TUBAL3: variants seen among roughly 807,000 people sequenced by gnomAD.
TUBAL3 encodes the protein tubulin alpha chain-like 3.
In TUBAL3, 16 loss-of-function variants were observed where a neutral mutation model predicts 15.5. The ratio of observed to expected loss-of-function variants is 1.04; its 90% CI spans 0.70 to 1.57. The LOEUF (loss-of-function observed/expected upper bound fraction) is 1.57, where lower values mean the gene tolerates loss of function less well. TUBAL3 is among the 40% of genes most tolerant of loss of function. TUBAL3 has a pLI of 0.00. For synonymous variants in TUBAL3, 238 were observed against 224.3 expected (o/e 1.06, Z -0.55); for missense variants, 609 against 576.2 (o/e 1.06, Z -0.58).
chr10:5,404,804 C>G lies in TUBAL3; in HGVS notation c.-12G>C. ...TAGTCACTTACCATGCTGATGAGAA[C>G]GTGCCCTTCCTGCCCTGTAGTAATG... On this transcript the variant is annotated 5_prime_UTR_variant, in exon 1 of 4. Coordinates refer to ENST00000380419, the MANE Select transcript of TUBAL3 (RefSeq NM_024803.3). 1 of 1,613,462 alleles carries G rather than the reference C, an allele frequency of 6.2e-7. No individual in the cohort carries two copies. Among genetic ancestry groups the G allele is most frequent in the Non-Finnish European group, 8.5e-7 (1 of 1,179,622 alleles).
In TUBAL3 at chr10:5,404,783, C is replaced by T; in HGVS notation, c.3+7G>A. On this transcript the variant is annotated splice_region_variant and intron_variant, in intron 1 of 3. Coordinates refer to ENST00000380419, the MANE Select transcript of TUBAL3 (RefSeq NM_024803.3). ...CTACAACAATGCATAGGCGTGTAGT[C>T]ACTTACCATGCTGATGAGAACGTGC... 1 of 1,613,588 alleles carries T rather than the reference C, an allele frequency of 6.2e-7. No homozygotes were observed. The highest frequency in any genetic ancestry group is 8.5e-7 in the Non-Finnish European group (1 of 1,179,748).
In TUBAL3 at chr10:5,396,746, C is replaced by T. The variant is rs1831771543; in HGVS notation, c.248-1271G>A. On this transcript the variant is annotated intron_variant, in intron 2 of 3. Coordinates refer to ENST00000380419, the MANE Select transcript of TUBAL3 (RefSeq NM_024803.3). The surrounding 1 kb of genome is among the most constrained non-coding windows in gnomAD (Gnocchi z 5.1). ...GCCTTTTAAAAACCTGGGCAGCATG[C>T]CCTACTCCTCCACCTTAGAATTACT... is the stretch of plus-strand genomic sequence containing the variant. Among the ~76,000 whole-genome samples the T allele has an allele frequency of 6.6e-6, 1 of 152,144 alleles. No individual in the cohort carries two copies. The highest frequency in any genetic ancestry group is 6.5e-5 in the Admixed American group (1 of 15,280).
In TUBAL3 at chr10:5,394,517, A is replaced by G. The variant is rs1761231473; in HGVS notation, c.397-56T>C. The G allele has an allele frequency of 8.1e-6, 12 of 1,490,646 alleles. No individual in the cohort carries two copies. The highest frequency in any genetic ancestry group is 9.9e-6 in the Non-Finnish European group (11 of 1,107,288). The allele number at this position is 1,490,646 out of a possible 1,614,324, so 92.3% of individuals were successfully genotyped here. A position where few individuals can be genotyped will look rare whatever the true frequency, so the allele number is the denominator to read the frequency against. ...AGCTGAATAAATCCAGAAGCAGTGA[A>G]TTGGACAGTAGTGGCAGGATACAAC... On this transcript the variant is annotated intron_variant, in intron 3 of 3. Coordinates refer to ENST00000380419, the MANE Select transcript of TUBAL3 (RefSeq NM_024803.3). This position sits in a 1 kb window ranked among gnomAD's most constrained non-coding sequence, Gnocchi z 4.3.
At chr10:5,399,166 T>C (rs1435736514) in intron 2 of TUBAL3, among the ~76,000 whole-genome samples, 2 of 152,184 alleles carry the variant, frequency 1.3e-5, no homozygotes, top group East Asian at 1.9e-4. Context: ...TTGAGGATGA[T>C]AATAATGTCT....
intron 2 of TUBAL3, among the ~76,000 whole-genome samples, chr10:5,399,391 G>A (rs1482811721): frequency 2.0e-5 from 3 of 152,168 alleles, no homozygotes; most frequent in Non-Finnish European, 2.9e-5. Flanking sequence ...TATAAGAAGA[G>A]ACACAGACTA....
At position 5,396,620 on chromosome 10, in the gene TUBAL3, G is replaced by T. The variant is rs1416736776; in HGVS notation, c.248-1145C>A. Among the ~76,000 whole-genome samples, 1 of 152,172 alleles carries T rather than the reference G, an allele frequency of 6.6e-6. No homozygotes were observed. The highest frequency in any genetic ancestry group is 1.5e-5 in the Non-Finnish European group (1 of 68,036). ...GCACGGCAAACTCAAATGCCCACAC[G>T]ACCCAAATGCTGAGTGCATAAATGC... On this transcript the variant is annotated intron_variant, in intron 2 of 3. Transcript: ENST00000380419. This position sits in a 1 kb window ranked among gnomAD's most constrained non-coding sequence, Gnocchi z 5.1.
chr10:5,403,247 A>T (rs1218797803), intron 1 of TUBAL3, among the ~76,000 whole-genome samples: 3 of 152,242 alleles, frequency 2.0e-5, no homozygotes, highest in African/African-American at 7.2e-5. Context: ...CAGGCTTCAG[A>T]TAACCTTAAT....
rs1282102501 is a variant in TUBAL3, at chr10:5,393,492, T to G, written c.*25A>C. On this transcript the variant is annotated 3_prime_UTR_variant, in exon 4 of 4. Coordinates refer to ENST00000380419, the MANE Select transcript of TUBAL3 (RefSeq NM_024803.3). ...GAAAACATGCCATTTTAACTTGACA[T>G]TCATTTGCACCCATCATACATGCCT... is the stretch of plus-strand genomic sequence containing the variant. The G allele has an allele frequency of 3.9e-6, 6 of 1,544,530 alleles. No homozygotes were observed. The African/African-American group carries it at 5.5e-5, about 14-fold the overall frequency.
At position 5,393,302 on chromosome 10, in the gene TUBAL3, C is replaced by G; in HGVS notation, c.*215G>C. 2 of 483,484 alleles carry G rather than the reference C, an allele frequency of 4.1e-6. No individual in the cohort carries two copies. The highest frequency in any genetic ancestry group is 7.2e-6 in the Non-Finnish European group (2 of 278,234). The allele number at this position is 483,484 out of a possible 1,614,324, so 29.9% of individuals were successfully genotyped here. A position where few individuals can be genotyped will look rare whatever the true frequency, so the allele number is the denominator to read the frequency against. ...TCAAAGGACTCTAAGCTTCCAAAGG[C>G]TCCCAGGTAGCAGAGCTGACTTGTA... On this transcript the variant is annotated 3_prime_UTR_variant, in exon 4 of 4. Transcript: ENST00000380419.
At chr10:5,402,859 G>A (rs1022409113) in intron 1 of TUBAL3, among the ~76,000 whole-genome samples, 13 of 152,168 alleles carry the variant, frequency 8.5e-5, no homozygotes, top group East Asian at 1.9e-4. Context: ...CCCCACTGCC[G>A]ACTCCATGGA....
rs1554813791 is a variant in TUBAL3 at position 5,393,942 on chromosome 10, A to T, written c.916T>A (p.Ser306Thr). 6.2e-7 allele frequency: 1 copy of T among 1,614,230 alleles called. No homozygotes were observed. Among genetic ancestry groups the T allele is most frequent in the Admixed American group, 1.7e-5 (1 of 60,028 alleles). Residue 306 changes from serine to threonine, a missense_variant, in exon 4 of 4, where the codon TCC becomes ACC. Coordinates refer to ENST00000380419, the MANE Select transcript of TUBAL3 (RefSeq NM_024803.3). ...SDITTACFESSNQLVKCDPRL... is the reference protein window; with the variant it reads ...SDITTACFESTNQLVKCDPRL... ...GGATCACACTTGACCAGCTGGTTGG[A>T]GGACTCAAAGCAGGCAGTGGTGATG...
At position 5,394,486 on chromosome 10, in the gene TUBAL3, G is replaced by A. The variant is rs373821626; in HGVS notation, c.397-25C>T. On this transcript the variant is annotated intron_variant, in intron 3 of 3. Coordinates refer to ENST00000380419, the MANE Select transcript of TUBAL3 (RefSeq NM_024803.3). The surrounding 1 kb of genome is among the most constrained non-coding windows in gnomAD (Gnocchi z 4.3). ...CCTGGAGAAAGTAAATGAGATGTGA[G>A]AATTCAGCTGAATAAATCCAGAAGC... 6.5e-7 allele frequency: 1 copy of A among 1,549,548 alleles called. No individual in the cohort carries two copies. The highest frequency in any genetic ancestry group is 8.7e-7 in the Non-Finnish European group (1 of 1,148,648).
chr10:5,395,204 G>C lies in TUBAL3; in HGVS notation c.396+123C>G, dbSNP rs1831743996. On this transcript the variant is annotated intron_variant, in intron 3 of 3. Transcript: ENST00000380419. This position sits in a 1 kb window ranked among gnomAD's most constrained non-coding sequence, Gnocchi z 4.6. ...ACCCCTCCCCAGTTCTGAGCACCCA[G>C]ACCAGAGCCCAGGGAGAGACGGTTG... 4.5e-6 allele frequency: 5 copies of C among 1,102,902 alleles called. No homozygotes were observed. The highest frequency in any genetic ancestry group is 1.6e-5 in the African/African-American group (1 of 61,984). 68.3% of individuals were successfully genotyped at this position (1,102,902 alleles called of 1,614,324 possible).
rs782811947 is a variant in TUBAL3, at chr10:5,393,932, A to C, written c.926T>G (p.Leu309Arg). The C allele has an allele frequency of 5.6e-6, 9 of 1,614,248 alleles. No homozygotes were observed. Among genetic ancestry groups the C allele is most frequent in the Non-Finnish European group, 7.6e-6 (9 of 1,180,054 alleles). The change falls in exon 4 of 4, where the codon CTG becomes CGG. Residue 309 changes from leucine (L) to arginine (R), a missense_variant. Coordinates refer to ENST00000380419, the MANE Select transcript of TUBAL3 (RefSeq NM_024803.3). ...CCCAAGCCGAGGATCACACTTGACCAGCTGGTTGGAGGACTCAAAGCAGGC... is the reference window on the plus strand; with the variant it reads ...CCCAAGCCGAGGATCACACTTGACCCGCTGGTTGGAGGACTCAAAGCAGGC... ...TTACFESSNQ[L>R]VKCDPRLGKY...
At chr10:5,401,379 A>G (rs1831849195) in intron 1 of TUBAL3, among the ~76,000 whole-genome samples, 2 of 152,278 alleles carry the variant, frequency 1.3e-5, no homozygotes, top group Middle Eastern at 3.4e-3. Context: ...AACACACACA[A>G]TGCAAATCAA....
Position 5,394,443 on chromosome 10 carries a change from G to T in TUBAL3, c.415C>A (p.Leu139Ile). 6.2e-7 allele frequency: 1 copy of T among 1,610,348 alleles called. No homozygotes were observed. ...TRKLAEQCGG[L>I]QGFLIFRSFG... ...CTTCGGAAAATCAAAAATCCCTGAA[G>T]TCCACCACACTGTTCTGCCTGGAGA... Residue 139 changes from leucine (L) to isoleucine (I), a missense_variant, in exon 4 of 4, where the codon CTT becomes ATT. Coordinates refer to ENST00000380419, the MANE Select transcript of TUBAL3 (RefSeq NM_024803.3). This position sits in a 1 kb window ranked among gnomAD's most constrained non-coding sequence, Gnocchi z 4.3.
In TUBAL3 at chr10:5,394,514, T is replaced by C. The variant is rs1831733599; in HGVS notation, c.397-53A>G. On this transcript the variant is annotated intron_variant, in intron 3 of 3. Transcript: ENST00000380419. The surrounding 1 kb of genome is among the most constrained non-coding windows in gnomAD (Gnocchi z 4.3). ...TTCAGCTGAATAAATCCAGAAGCAGTGAATTGGACAGTAGTGGCAGGATAC... is the reference window on the plus strand; with the variant it reads ...TTCAGCTGAATAAATCCAGAAGCAGCGAATTGGACAGTAGTGGCAGGATAC... The C allele has an allele frequency of 6.6e-7, 1 of 1,508,908 alleles. No homozygotes were observed. The highest frequency in any genetic ancestry group is 2.3e-5 in the East Asian group (1 of 44,156). The allele number at this position is 1,508,908 out of a possible 1,614,324, so 93.5% of individuals were successfully genotyped here.
In TUBAL3 at chr10:5,394,740, C is replaced by A. The variant is rs1470307433; in HGVS notation, c.397-279G>T. On this transcript the variant is annotated intron_variant, in intron 3 of 3. Transcript: ENST00000380419. This position sits in a 1 kb window ranked among gnomAD's most constrained non-coding sequence, Gnocchi z 4.3. ...GCATTTATCGGTATGTGATCGCAAA[C>A]AAGGCCTTCATCAATAACAAAGAAA... Among the ~76,000 whole-genome samples, 2 of 152,190 alleles carry A rather than the reference C, an allele frequency of 1.3e-5. No homozygotes were observed. The highest frequency in any genetic ancestry group is 2.9e-5 in the Non-Finnish European group (2 of 68,038).
At chr10:5,404,651 A>C (rs1831903149) in intron 1 of TUBAL3, 139 bp downstream of exon 1, 1 of 848,674 alleles carries the variant, frequency 1.2e-6, no homozygotes, top group Non-Finnish European at 1.9e-6. Flanking sequence ...ATCTACTTGG[A>C]CATTGAAAGA....
Sources: allele counts gnomAD v4.1 joint callset (sites outside exome capture counted in the v4.1 genomes callset), GRCh38; gene constraint gnomAD v4.1.1; non-coding constraint Gnocchi (gnomAD v3.1); transcripts MANE v1.5; gene names NCBI Gene and HGNC (gene_info 2026-07-23, HGNC 2026-07-21).